Variants in HELB observed in about 807,000 individuals in gnomAD.
The protein encoded by HELB is DNA 5'-3' helicase B.
HELB carries 96 observed loss-of-function variants against 101.7 expected under a neutral mutation model. The ratio of observed to expected loss-of-function variants is 0.94; its 90% CI spans 0.80 to 1.12. The LOEUF is 1.12. HELB is among the 50% of genes most tolerant of loss of function. HELB has a pLI of 0.00. For synonymous variants in HELB, 437 were observed against 459.7 expected (o/e 0.95, Z 0.63); for missense variants, 1,210 against 1,291.9 (o/e 0.94, Z 0.97).
At chr12:66,302,860 C>T in intron 1 of HELB, 70 bp downstream of exon 1, 2 of 1,377,236 alleles carry the variant, frequency 1.5e-6, no homozygotes, top group Middle Eastern at 2.5e-4. Context: ...CTGGCTTTGC[C>T]CTGAGCAAGG....
At chr12:66,332,409 T>A (rs2053820506) in intron 12 of HELB, among the ~76,000 whole-genome samples, 1 of 152,238 alleles carries the variant, frequency 6.6e-6, no homozygotes, top group Admixed American at 6.5e-5. Context: ...AAATATTAAA[T>A]GGAAAATTCC....
intron 7 of HELB, among the ~76,000 whole-genome samples, chr12:66,320,650 T>C (rs990588583): frequency 6.6e-6 from 1 of 152,236 alleles, no homozygotes; most frequent in Admixed American, 6.5e-5. Flanking sequence ...AGAGCTTACC[T>C]GATACTGCTT....
At chr12:66,326,880 A>G (rs2053745028) in intron 11 of HELB, among the ~76,000 whole-genome samples, 1 of 150,602 alleles carries the variant, frequency 6.6e-6, no homozygotes, top group African/African-American at 2.4e-5. Flanking sequence ...TAAAAAATAC[A>G]AAAAAGGTAA....
At chr12:66,323,621 TAA>T (rs2137006835) in intron 9 of HELB, among the ~76,000 whole-genome samples, 1 of 152,266 alleles carries the variant, frequency 6.6e-6, no homozygotes, top group African/African-American at 2.4e-5. Context: ...TCAAATAAGG[TAA>T]TGATAAGAGA....
Position 66,310,151 on chromosome 12 carries a change from A to T in HELB, c.1223A>T (p.Asp408Val), listed in dbSNP as rs1230717345. The T allele has an allele frequency of 6.2e-7, 1 of 1,614,232 alleles. No homozygotes were observed. Among genetic ancestry groups the T allele is most frequent in the South Asian group, 1.1e-5 (1 of 91,090 alleles). ...SDDALNESKPDEVRLENPVDV... is the reference protein window; with the variant it reads ...SDDALNESKPVEVRLENPVDV... The stretch of plus-strand genomic sequence containing the variant: ...GATGCATTGAATGAGAGCAAACCTG[A>T]TGAAGTAAGATTAGAAAATCCTGTG... Residue 408 changes from aspartate to valine, a missense_variant, in exon 4 of 13, where the codon GAT becomes GTT. Asp to Val is a radical substitution (Grantham distance 152). This residue lies in a region of HELB where 470 missense variants were observed against 563.1 expected (regional missense o/e 0.83). Coordinates refer to ENST00000247815, the MANE Select transcript of HELB (RefSeq NM_001370285.1).
chr12:66,302,801 C>A lies in HELB; in HGVS notation c.187+11C>A. 1.3e-6 allele frequency: 2 copies of A among 1,597,652 alleles called. No homozygotes were observed. Among genetic ancestry groups the A allele is most frequent in the Admixed American group, 1.7e-5 (1 of 57,710 alleles). On this transcript the variant is annotated intron_variant, in intron 1 of 12. Transcript: ENST00000247815. ...CCGGGTGCCTCCGCGGTGAGGAAGGCGTCTGCCCGGGGGATGGGGTTGGAG... is the reference window on the plus strand; with the variant it reads ...CCGGGTGCCTCCGCGGTGAGGAAGGAGTCTGCCCGGGGGATGGGGTTGGAG...
intron 6 of HELB, among the ~76,000 whole-genome samples, chr12:66,317,669 A>C (rs969919880): frequency 6.6e-6 from 1 of 152,166 alleles, no homozygotes; most frequent in East Asian, 1.9e-4. Flanking sequence ...CTTAATCATA[A>C]TCCTCAAGTA....
At chr12:66,321,848 T>A (rs913334852) in intron 7 of HELB, 100 bp from the exon 8 acceptor site, 4 of 600,502 alleles carry the variant, frequency 6.7e-6, no homozygotes, top group Non-Finnish European at 1.2e-5. Flanking sequence ...TGAGATATTT[T>A]CCCAGGGCCC....
chr12:66,337,733 C>T (rs1219654517), intron 12 of HELB, among the ~76,000 whole-genome samples: 2 of 152,136 alleles, frequency 1.3e-5, no homozygotes, highest in East Asian at 3.8e-4. Flanking sequence ...GCCCTGTCTA[C>T]ACCTTTAGAA....
intron 11 of HELB, among the ~76,000 whole-genome samples, chr12:66,326,918 C>T (rs1448233339): frequency 1.3e-5 from 2 of 150,240 alleles, no homozygotes; most frequent in African/African-American, 2.5e-5. Flanking sequence ...CACCTCTAAA[C>T]CCAGCTACTT....
In HELB at chr12:66,306,486, C is replaced by A. The variant is rs761330880; in HGVS notation, c.749C>A (p.Thr250Lys). Reference sequence around the variant, plus strand: ...AAAGAGATAGAAGAGATTTTAGGTACACATCCGTGGAAACTTGGATTTAGT... The same window carrying A: ...AAAGAGATAGAAGAGATTTTAGGTAAACATCCGTGGAAACTTGGATTTAGT... ...MLKEIEEILG[T>K]HPWKLGFSKI... Residue 250 changes from threonine to lysine, a missense_variant, in exon 3 of 13, where the codon ACA becomes AAA. Physicochemically the swap from Thr to Lys is moderately conservative, Grantham distance 78 (BLOSUM62 -1). Transcript: ENST00000247815. 6.3e-7 allele frequency: 1 copy of A among 1,591,750 alleles called. No homozygotes were observed. Among genetic ancestry groups the A allele is most frequent in the Non-Finnish European group, 8.5e-7 (1 of 1,169,794 alleles).
At position 66,331,589 on chromosome 12, in the gene HELB, G is replaced by A. The variant is rs149648534; in HGVS notation, c.3106G>A (p.Ala1036Thr). The stretch of plus-strand genomic sequence containing the variant: ...AGATGATGATTTACCAAAATCGCGA[G>A]CATCCAAAAGAACCTGTGGTGTGAA... Reference protein sequence around the residue: ...DTDDDLPKSRASKRTCGVNDD... With the variant: ...DTDDDLPKSRTSKRTCGVNDD... The change falls in exon 12 of 13, where the codon GCA (alanine) becomes ACA (threonine). Residue 1036 changes from alanine (A) to threonine (T), a missense_variant. Transcript: ENST00000247815. 111 of 1,611,590 alleles carry A rather than the reference G, an allele frequency of 6.9e-5. No homozygotes were observed. The African/African-American group carries it at 1.1e-3, about 16-fold the overall frequency.
intron 8 of HELB, among the ~76,000 whole-genome samples, chr12:66,322,519 C>A: frequency 6.8e-6 from 1 of 147,522 alleles, no homozygotes; most frequent in African/African-American, 2.5e-5. Context: ...GAGCCGAGAG[C>A]ACGCCATTGC....
intron 12 of HELB, among the ~76,000 whole-genome samples, chr12:66,337,286 G>A (rs992883814): frequency 1.3e-5 from 2 of 152,004 alleles, no homozygotes; most frequent in Non-Finnish European, 2.9e-5. Flanking sequence ...TTGTACCCCA[G>A]GTCAACTCTT....
intron 6 of HELB, 36 bp from the exon 7 acceptor site, chr12:66,318,602 A>T (rs1234229954): frequency 6.4e-7 from 1 of 1,556,796 alleles, no homozygotes; most frequent in African/African-American, 1.4e-5. Context: ...TTTGGATGAT[A>T]ATGTTCTTTG....
chr12:66,326,348 T>C (rs1172744443), intron 11 of HELB, among the ~76,000 whole-genome samples: 1 of 152,116 alleles, frequency 6.6e-6, no homozygotes, highest in Non-Finnish European at 1.5e-5. Flanking sequence ...GTTCAAGTGA[T>C]TCTCCTGCCT....
chr12:66,315,270 A>C lies in HELB; in HGVS notation c.1887A>C (p.Glu629Asp). 1 of 1,608,280 alleles carries C rather than the reference A, an allele frequency of 6.2e-7. No individual in the cohort carries two copies. Among genetic ancestry groups the C allele is most frequent in the Non-Finnish European group, 8.5e-7 (1 of 1,177,202 alleles). The change falls in exon 6 of 13, where the codon GAA (glutamate) becomes GAC (aspartate). Residue 629 changes from glutamate to aspartate, a missense_variant. Glu to Asp is a conservative substitution (Grantham distance 45). This residue lies in a region of HELB where 740 missense variants were observed against 728.8 expected (regional missense o/e 1.02). Coordinates refer to ENST00000247815, the MANE Select transcript of HELB (RefSeq NM_001370285.1). Reference sequence around the variant, plus strand: ...ACATTAGACAGTTACCCAGTATTGAACCTGGTAACTTGCTGAAAGATCTTT... The same window carrying C: ...ACATTAGACAGTTACCCAGTATTGACCCTGGTAACTTGCTGAAAGATCTTT... ...LGDIRQLPSI[E>D]PGNLLKDLFE...
chr12:66,335,994 CTG>C (rs1413962892), intron 12 of HELB, among the ~76,000 whole-genome samples: 1 of 152,162 alleles, frequency 6.6e-6, no homozygotes, highest in Admixed American at 6.5e-5. Flanking sequence ...TTGTTTGACT[CTG>C]TAAATAAAGC....
chr12:66,315,370 G>A lies in HELB; in HGVS notation c.1987G>A (p.Asp663Asn), dbSNP rs201815365. Residue 663 changes from aspartate (D) to asparagine (N), a missense_variant, in exon 6 of 13, where the codon GAC becomes AAC. By Grantham distance (23) the Asp-to-Asn change is conservative. Coordinates refer to ENST00000247815, the MANE Select transcript of HELB (RefSeq NM_001370285.1). ...NHRAESQLIV[D>N]NATRISRRQF... ...TAGAGCAGAATCTCAGCTCATTGTG[G>A]ACAATGCTACAAGGTATAATATTAC... 56 of 1,594,320 alleles carry A rather than the reference G, an allele frequency of 3.5e-5. No homozygotes were observed. The highest frequency in any genetic ancestry group is 4.4e-5 in the Non-Finnish European group (52 of 1,171,586).
Sources: allele counts gnomAD v4.1 joint callset (sites outside exome capture counted in the v4.1 genomes callset), GRCh38; gene constraint gnomAD v4.1.1; regional missense constraint gnomAD v4.1.1; transcripts MANE v1.5; gene names NCBI Gene and HGNC (gene_info 2026-07-23, HGNC 2026-07-21).